The following WDSUB1 variants were observed in gnomAD, a reference collection of about 807,000 sequenced individuals.
WDSUB1 encodes WD repeat, SAM and U-box domain-containing protein 1.
WDSUB1 carries 49 observed loss-of-function variants against 53.9 expected under a neutral mutation model. That is an observed-to-expected ratio of 0.91 (90% CI 0.72 to 1.15). The LOEUF (loss-of-function observed/expected upper bound fraction) is 1.15. WDSUB1 is among the 50% of genes most tolerant of loss of function. The pLI is 0.00. For synonymous variants in WDSUB1, 194 were observed against 200.6 expected (o/e 0.97, Z 0.28); for missense variants, 514 against 562.0 (o/e 0.91, Z 0.86).
At chr2:159,284,766 T>G (rs1006866214) in intron 1 of WDSUB1, among the ~76,000 whole-genome samples, 2 of 152,234 alleles carry the variant, frequency 1.3e-5, no homozygotes, top group Admixed American at 6.5e-5. Flanking sequence ...TACAGTCTTA[T>G]GTAATCAAAA....
chr2:159,267,992 C>G lies in WDSUB1; in HGVS notation c.770+3710G>C, dbSNP rs570551096. On this transcript the variant is annotated intron_variant, in intron 5 of 10. Coordinates refer to ENST00000359774, the MANE Select transcript of WDSUB1 (RefSeq NM_001128212.3). ...CAAAAGCACTTGATAATGTAAACTT[C>G]CATTTATCCAGAATGATTGGGAAAG... 3.3e-4 allele frequency among the ~76,000 whole-genome samples: 50 copies of G among 152,306 alleles called. 1 individual carries two copies. The highest frequency in any genetic ancestry group is 2.2e-3 in the Admixed American group (33 of 15,298).
At chr2:159,247,910 A>ATATATATAAATATATATATAT (rs2060846247) in intron 10 of WDSUB1, among the ~76,000 whole-genome samples, 3 of 17,682 alleles carry the variant, frequency 1.7e-4, no homozygotes, top group Non-Finnish European at 4.0e-4. Flanking sequence ...TATATATATA[A>ATATATATAAATATATATATAT]ATATATATAT....
In WDSUB1 at chr2:159,275,591, C is replaced by T. The variant is rs746980292; in HGVS notation, c.631G>A (p.Asp211Asn). ...ACAATCCAAATTTTGACTTGGCAAT[C>T]CTGACCACATGATGCCAGTCGAAAA... ...QFFRLASCGQ[D>N]CQVKIWIVSF... Residue 211 changes from aspartate (D) to asparagine (N), a missense_variant, in exon 4 of 11, where the codon GAT becomes AAT. Asp to Asn is a conservative substitution (Grantham distance 23). Transcript: ENST00000359774. 1 of 1,608,802 alleles carries T rather than the reference C, an allele frequency of 6.2e-7. No individual in the cohort carries two copies. Among genetic ancestry groups the T allele is most frequent in the East Asian group, 2.2e-5 (1 of 44,578 alleles).
intron 5 of WDSUB1, among the ~76,000 whole-genome samples, chr2:159,262,592 C>T (rs2061250276): frequency 6.6e-6 from 1 of 152,114 alleles, no homozygotes; most frequent in Non-Finnish European, 1.5e-5. Flanking sequence ...ATTTTAAACT[C>T]ACTTCCTATT....
Position 159,256,311 on chromosome 2 carries a change from T to C in WDSUB1, c.1017A>G (p.Thr339=), listed in dbSNP as rs746537758. Residue 339 remains threonine, a synonymous_variant, in exon 9 of 11, where the codon ACA becomes ACG. Transcript: ENST00000359774. ...CTTTTAAATCTTGTGCACAAAGCCA[T>C]GTTGAGACATCCTCCTCTGACCAAT... ...TEDWSEEDVS[T]WLCAQDLKDL... is the part of the protein sequence containing the mutation. 2.5e-6 allele frequency: 4 copies of C among 1,612,556 alleles called. No homozygotes were observed. The highest frequency in any genetic ancestry group is 2.7e-5 in the African/African-American group (2 of 74,854).
rs2061806944 is a variant in WDSUB1, at chr2:159,286,589, G to A, written c.-31C>T. 6.6e-6 allele frequency: 1 copy of A among 152,182 alleles called. No individual in the cohort carries two copies. Among genetic ancestry groups the A allele is most frequent in the Non-Finnish European group, 1.5e-5 (1 of 68,084 alleles). The allele number at this position is 152,182 out of a possible 1,614,324, so 9.4% of individuals were successfully genotyped here. The stretch of plus-strand genomic sequence containing the variant: ...TGGGCGCGGCCGCTCTCACCTGCAG[G>A]AGCGGGGGCGCGCGGGATCCGCCTT... On this transcript the variant is annotated 5_prime_UTR_variant, in exon 1 of 11. Transcript: ENST00000359774.
At chr2:159,242,070 A>G (rs1238641137) in intron 10 of WDSUB1, among the ~76,000 whole-genome samples, 1 of 145,676 alleles carries the variant, frequency 6.9e-6, no homozygotes, top group Non-Finnish European at 1.5e-5. Flanking sequence ...ATTTATTTAG[A>G]GATGGAGTCT....
intron 9 of WDSUB1, among the ~76,000 whole-genome samples, chr2:159,251,563 G>T (rs2060951884): frequency 6.6e-6 from 1 of 152,090 alleles, no homozygotes; most frequent in Non-Finnish European, 1.5e-5. Flanking sequence ...TTTGTGATTG[G>T]GAGTTAAGAA....
chr2:159,268,313 T>C (rs930560734), intron 5 of WDSUB1, among the ~76,000 whole-genome samples: 2 of 150,410 alleles, frequency 1.3e-5, no homozygotes, highest in African/African-American at 4.8e-5. Context: ...ATAATCATTC[T>C]GTCAGCTAAC....
chr2:159,263,853 TTAATA>T (rs575160211), intron 5 of WDSUB1, among the ~76,000 whole-genome samples: 78 of 152,220 alleles, frequency 5.1e-4, no homozygotes, highest in Admixed American at 1.6e-3. Flanking sequence ...TATGTACTAT[TTAATA>T]TATATGTATT....
chr2:159,256,147 A>C, intron 9 of WDSUB1, 49 bp downstream of exon 9: 1 of 1,535,378 alleles, frequency 6.5e-7, no homozygotes, highest in Non-Finnish European at 8.8e-7. Context: ...ACTGCAGAGT[A>C]ATTTGGTAAA....
chr2:159,283,672 AAAG>A (rs2061726522), intron 1 of WDSUB1, among the ~76,000 whole-genome samples: 1 of 151,900 alleles, frequency 6.6e-6, no homozygotes, highest in Non-Finnish European at 1.5e-5. Flanking sequence ...AAAAAAAAAA[AAAG>A]AAAAAAAATC....
intron 10 of WDSUB1, among the ~76,000 whole-genome samples, chr2:159,247,886 AAT>A (rs373694392): frequency 0.05 from 3,187 of 63,638 alleles, 203 homozygotes; most frequent in African/African-American, 0.11. Flanking sequence ...AAATTAAATA[AAT>A]ATATATATAT....
intron 10 of WDSUB1, among the ~76,000 whole-genome samples, 184 bp downstream of exon 10, chr2:159,248,185 TCCA>T (rs1004868681): frequency 3.9e-5 from 6 of 152,094 alleles, no homozygotes; most frequent in African/African-American, 1.4e-4. Context: ...TTGTGTCAAC[TCCA>T]CAACTACTCT....
At chr2:159,236,256 G>C (rs560416801) in intron 10 of WDSUB1, 66 bp from the exon 11 acceptor site, 2 of 1,500,146 alleles carry the variant, frequency 1.3e-6, no homozygotes, top group South Asian at 2.6e-5. Flanking sequence ...CTAAAATGAA[G>C]TGAATGTAAA....
intron 5 of WDSUB1, among the ~76,000 whole-genome samples, chr2:159,263,403 G>A (rs1232287897): frequency 7.9e-5 from 12 of 152,176 alleles, no homozygotes; most frequent in East Asian, 1.9e-4. Flanking sequence ...GGAAGAGAAC[G>A]TAAGAATGAG....
At chr2:159,240,593 T>C (rs1303387811) in intron 10 of WDSUB1, among the ~76,000 whole-genome samples, 1 of 152,216 alleles carries the variant, frequency 6.6e-6, no homozygotes, top group African/African-American at 2.4e-5. Flanking sequence ...CAGCATATCA[T>C]TAGACTGTTC....
chr2:159,261,106 C>A (rs1482583667), intron 5 of WDSUB1, among the ~76,000 whole-genome samples: 1 of 152,012 alleles, frequency 6.6e-6, no homozygotes, highest in African/African-American at 2.4e-5. Flanking sequence ...TCTGTGAATT[C>A]AACCATGAAT....
chr2:159,256,456 T>C, intron 8 of WDSUB1, 81 bp from the exon 9 acceptor site: 1 of 1,426,552 alleles, frequency 7.0e-7, no homozygotes, highest in South Asian at 1.3e-5. Context: ...TAAAAGTAAA[T>C]GAAATTTCCT....
Sources: allele counts gnomAD v4.1 joint callset (sites outside exome capture counted in the v4.1 genomes callset), GRCh38; gene constraint gnomAD v4.1.1; transcripts MANE v1.5; gene names NCBI Gene and HGNC (gene_info 2026-07-23, HGNC 2026-07-21).